ADGRV1: variants seen among roughly 807,000 people sequenced by gnomAD.
ADGRV1 encodes G-protein coupled receptor 98.
A neutral mutation model predicts 596.2 loss-of-function variants in ADGRV1; 359 were observed. The observed-to-expected ratio is 0.60, with a 90% CI of 0.55 to 0.66. The LOEUF is 0.66. Among genes scored for constraint, ADGRV1 ranks in the 30% least tolerant of loss-of-function variants. ADGRV1 has a pLI of 0.00. For missense variants in ADGRV1, 7,274 were observed against 7,575.6 expected, an observed-to-expected ratio of 0.96 and a Z score of 1.48; for synonymous variants, 2,681 against 2,679.2, an observed-to-expected ratio of 1.00 and a Z score of -0.02.
At chr5:90,761,982 A>G (rs1299714721) in intron 58 of ADGRV1, among the ~76,000 whole-genome samples, 1 of 152,208 alleles carries the variant, frequency 6.6e-6, no homozygotes, top group African/African-American at 2.4e-5. Flanking sequence ...TGTTAGCATT[A>G]TTCGGTGACA....
intron 34 of ADGRV1, among the ~76,000 whole-genome samples, chr5:90,698,175 A>T (rs1049248897): frequency 6.6e-6 from 1 of 152,200 alleles, no homozygotes; most frequent in Non-Finnish European, 1.5e-5. Context: ...CCATAAATCT[A>T]ACCTAAAGAC....
At chr5:90,972,965 A>G (rs1237711638) in intron 84 of ADGRV1, among the ~76,000 whole-genome samples, 1 of 152,312 alleles carries the variant, frequency 6.6e-6, no homozygotes, top group Non-Finnish European at 1.5e-5. Flanking sequence ...CAAGACTAAT[A>G]AAGAAGAAAA....
chr5:90,848,384 TTATC>T (rs1284008014), intron 78 of ADGRV1, among the ~76,000 whole-genome samples: 2 of 152,112 alleles, frequency 1.3e-5, no homozygotes, highest in Non-Finnish European at 2.9e-5. Flanking sequence ...ATTTAGGACT[TTATC>T]TAATGATTAA....
intron 1 of ADGRV1, among the ~76,000 whole-genome samples, chr5:90,614,431 G>GTT (rs375966375): frequency 6.6e-6 from 1 of 152,034 alleles, no homozygotes; most frequent in Non-Finnish European, 1.5e-5. Flanking sequence ...GGCTTCAACT[G>GTT]TTTCAGTTTT....
At position 90,774,293 on chromosome 5, in the gene ADGRV1, T is replaced by G; in HGVS notation, c.12393T>G (p.Ser4131=). 1.3e-6 allele frequency: 2 copies of G among 1,536,766 alleles called. No homozygotes were observed. The highest frequency in any genetic ancestry group is 1.8e-6 in the Non-Finnish European group (2 of 1,109,940). The change falls in exon 60 of 90, where the codon TCT becomes TCG. Residue 4131 remains serine (S), a synonymous_variant. Transcript: ENST00000405460. The stretch of plus-strand genomic sequence containing the variant: ...TATCAATTGATGAGGTAGAAATATC[T>G]CCAGTAAAAGGTAAGAGAAATTCAC... ...QLISIDEVEI[S]PVKGSASIII...
At chr5:91,113,746 C>A (rs1792591122) in intron 87 of ADGRV1, among the ~76,000 whole-genome samples, 1 of 151,544 alleles carries the variant, frequency 6.6e-6, no homozygotes, top group South Asian at 2.1e-4. Context: ...TGGTGAAACC[C>A]CATCTCTACT....
At chr5:90,888,632 G>A (rs1454734806) in intron 83 of ADGRV1, among the ~76,000 whole-genome samples, 3 of 152,090 alleles carry the variant, frequency 2.0e-5, no homozygotes, top group Non-Finnish European at 4.4e-5. Flanking sequence ...ATCATTTGGT[G>A]TTTTTATCAT....
At chr5:90,867,179 T>TA (rs1471200349) in intron 83 of ADGRV1, among the ~76,000 whole-genome samples, 1 of 152,068 alleles carries the variant, frequency 6.6e-6, no homozygotes, top group Non-Finnish European at 1.5e-5. Flanking sequence ...CCTCCAAATC[T>TA]AAAAAAAGAA....
At chr5:90,957,040 G>T (rs1777542262) in intron 83 of ADGRV1, among the ~76,000 whole-genome samples, 1 of 152,100 alleles carries the variant, frequency 6.6e-6, no homozygotes, top group African/African-American at 2.4e-5. Flanking sequence ...TGCTATGTGG[G>T]CACAAGGTAA....
intron 52 of ADGRV1, among the ~76,000 whole-genome samples, chr5:90,748,553 C>G (rs1262904452): frequency 6.6e-6 from 1 of 152,108 alleles, no homozygotes; most frequent in Non-Finnish European, 1.5e-5. Context: ...CACATGTGGC[C>G]AGTGGCTACT....
chr5:90,860,000 A>G (rs1167358414), intron 82 of ADGRV1, among the ~76,000 whole-genome samples: 1 of 151,606 alleles, frequency 6.6e-6, no homozygotes, highest in African/African-American at 2.4e-5. Flanking sequence ...CTGAGACAGG[A>G]GGATTGCTTG....
At chr5:90,813,225 G>A (rs985339329) in intron 74 of ADGRV1, among the ~76,000 whole-genome samples, 1 of 137,270 alleles carries the variant, frequency 7.3e-6, no homozygotes, top group African/African-American at 2.6e-5. Context: ...TTTTATTACA[G>A]GTATTTGAAT....
chr5:90,942,333 A>G (rs1776229244), intron 83 of ADGRV1, among the ~76,000 whole-genome samples: 1 of 152,216 alleles, frequency 6.6e-6, no homozygotes, highest in African/African-American at 2.4e-5. Flanking sequence ...CTGGAAAAAC[A>G]GTGGACTAGG....
In ADGRV1 at chr5:90,615,031, T is replaced by C; in HGVS notation, c.207+12T>C. ...CTGCAATTGTATCGGTAAGAAATTA[T>C]TATAGCTCTATTTTTACTGAAATAG... On this transcript the variant is annotated intron_variant, in intron 2 of 89. Coordinates refer to ENST00000405460, the MANE Select transcript of ADGRV1 (RefSeq NM_032119.4). The C allele has an allele frequency of 1.4e-6, 2 of 1,386,692 alleles. No homozygotes were observed. Among genetic ancestry groups the C allele is most frequent in the East Asian group, 5.1e-5 (2 of 38,970 alleles). 85.9% of individuals were successfully genotyped at this position (1,386,692 alleles called of 1,614,324 possible).
Position 90,628,754 on chromosome 5 carries a change from A to G in ADGRV1, c.1431A>G (p.Pro477=), listed in dbSNP as rs1765123690. 6.2e-7 allele frequency: 1 copy of G among 1,614,010 alleles called. No homozygotes were observed. The highest frequency in any genetic ancestry group is 8.5e-7 in the Non-Finnish European group (1 of 1,179,876). ...IPLTVVDDDL[P]EEAEAYLLQI... The stretch of plus-strand genomic sequence containing the variant: ...TTACTGTGGTTGATGATGATCTTCC[A>G]GAAGAGGCAGAAGCTTATCTACTTC... The change falls in exon 8 of 90, where the codon CCA becomes CCG. Residue 477 remains proline, a synonymous_variant. Coordinates refer to ENST00000405460, the MANE Select transcript of ADGRV1 (RefSeq NM_032119.4).
At chr5:90,825,952 A>C (rs1764039418) in intron 76 of ADGRV1, 2 of 152,174 alleles carry the variant, frequency 1.3e-5, no homozygotes, top group Non-Finnish European at 2.9e-5. Context: ...GCTAATTTTC[A>C]AGACATTTTT....
In ADGRV1 at chr5:91,157,632, G is replaced by A. The variant is rs969877475; in HGVS notation, c.18802+4234G>A. ...AATTAGAACTTAATTTTTTTCTGTG[G>A]CCATAAGACTCTAAGGTGTTCAACA... On this transcript the variant is annotated intron_variant, in intron 89 of 89. Coordinates refer to ENST00000405460, the MANE Select transcript of ADGRV1 (RefSeq NM_032119.4). 3.3e-5 allele frequency among the ~76,000 whole-genome samples: 5 copies of A among 151,898 alleles called. 1 individual carries two copies. The highest frequency in any genetic ancestry group is 1.2e-4 in the African/African-American group (5 of 41,390).
At chr5:91,023,434 T>C (rs1213292704) in intron 85 of ADGRV1, among the ~76,000 whole-genome samples, 3 of 152,176 alleles carry the variant, frequency 2.0e-5, no homozygotes, top group Non-Finnish European at 4.4e-5. Context: ...AAATACCTGA[T>C]ACTGGAGATA....
At chr5:90,834,880 TTTC>T (rs1764832620) in intron 77 of ADGRV1, among the ~76,000 whole-genome samples, 1 of 151,796 alleles carries the variant, frequency 6.6e-6, no homozygotes, top group South Asian at 2.1e-4. Flanking sequence ...TTTCTCTTTC[TTTC>T]TTTTTTCTTT....
Sources: allele counts gnomAD v4.1 joint callset (sites outside exome capture counted in the v4.1 genomes callset), GRCh38; gene constraint gnomAD v4.1.1; transcripts MANE v1.5; gene names NCBI Gene and HGNC (gene_info 2026-07-23, HGNC 2026-07-21).